Variants in KIF6 observed in about 807,000 individuals in gnomAD.
The protein encoded by KIF6 is kinesin family member 6, also known as kinesin-like protein KIF6.
KIF6 carries 106 observed loss-of-function variants against 112.7 expected under a neutral mutation model. The ratio of observed to expected loss-of-function variants is 0.94; its 90% CI spans 0.80 to 1.11. KIF6 has a LOEUF of 1.11. KIF6 is among the 50% of genes least tolerant of loss of function. The pLI is 0.00. For missense variants in KIF6, 929 were observed against 964.0 expected (o/e 0.96, Z 0.48); for synonymous variants, 339 against 339.9 (o/e 1.00, Z 0.03).
intron 3 of KIF6, among the ~76,000 whole-genome samples, chr6:39,654,756 CT>C (rs1488798599): frequency 6.6e-6 from 1 of 152,030 alleles, no homozygotes; most frequent in African/African-American, 2.4e-5. Flanking sequence ...GTCTTTTTAC[CT>C]TTTTAAATAA....
Position 39,383,806 on chromosome 6 carries a change from GT to G in KIF6, c.1861+1815del, listed in dbSNP as rs574487322. Reference sequence around the variant, plus strand: ...ATGAGCATGGAATGCTTTTCCATTTGTTTGTGTTGTCTATGATTTCTTCCAG... The same window carrying G: ...ATGAGCATGGAATGCTTTTCCATTTGTTGTGTTGTCTATGATTTCTTCCAG... On this transcript the variant is annotated intron_variant, in intron 16 of 22. Transcript: ENST00000287152. Among the ~76,000 whole-genome samples the G allele has an allele frequency of 4.0e-3, 602 of 152,210 alleles. 1 individual carries two copies. The highest frequency in any genetic ancestry group is 0.01 in the African/African-American group (419 of 41,538).
At chr6:39,518,176 A>C (rs1451269045) in intron 13 of KIF6, among the ~76,000 whole-genome samples, 2 of 152,248 alleles carry the variant, frequency 1.3e-5, no homozygotes, top group African/African-American at 4.8e-5. Flanking sequence ...GTACAGACTA[A>C]GAACAGCACT....
chr6:39,517,416 G>T (rs1369483475), intron 13 of KIF6, among the ~76,000 whole-genome samples: 2 of 152,200 alleles, frequency 1.3e-5, no homozygotes, highest in Non-Finnish European at 2.9e-5. Context: ...TCAAACTGTT[G>T]ACAGTGGATA....
At chr6:39,654,551 C>T (rs1397305793) in intron 3 of KIF6, among the ~76,000 whole-genome samples, 1 of 152,146 alleles carries the variant, frequency 6.6e-6, no homozygotes, top group African/African-American at 2.4e-5. Context: ...ACTGAAAATA[C>T]CTTTACTTAT....
At chr6:39,367,884 T>C (rs1398565088) in intron 16 of KIF6, among the ~76,000 whole-genome samples, 1 of 152,158 alleles carries the variant, frequency 6.6e-6, no homozygotes, top group Non-Finnish European at 1.5e-5. Context: ...CTTAAGGAGC[T>C]TGTAAAAGCA....
At position 39,362,061 on chromosome 6, in the gene KIF6, G is replaced by A. The variant is rs924932935; in HGVS notation, c.1946+373C>T. Among the ~76,000 whole-genome samples the A allele has an allele frequency of 4.2e-4, 64 of 152,146 alleles. 1 individual carries two copies. Among genetic ancestry groups the A allele is most frequent in the African/African-American group, 1.3e-3 (55 of 41,428 alleles). On this transcript the variant is annotated intron_variant, in intron 17 of 22. Coordinates refer to ENST00000287152, the MANE Select transcript of KIF6 (RefSeq NM_145027.6). Reference sequence around the variant, plus strand: ...GGCTCCTCACTCTGTAAGTGAAGTCGTTTGGAGACCCCAAATGCCTGCGGC... The same window carrying A: ...GGCTCCTCACTCTGTAAGTGAAGTCATTTGGAGACCCCAAATGCCTGCGGC...
intron 13 of KIF6, among the ~76,000 whole-genome samples, chr6:39,461,803 G>A (rs990749487): frequency 7.2e-5 from 11 of 152,012 alleles, no homozygotes; most frequent in Admixed American, 5.9e-4. Flanking sequence ...ATTTGTATCT[G>A]TATTGACAAA....
At position 39,342,610 on chromosome 6, in the gene KIF6, TA is replaced by T. The variant is rs59176741; in HGVS notation, c.2428+1098del. On this transcript the variant is annotated intron_variant, in intron 22 of 22. Coordinates refer to ENST00000287152, the MANE Select transcript of KIF6 (RefSeq NM_145027.6). This position sits in a 1 kb window ranked among gnomAD's most constrained non-coding sequence, Gnocchi z 4.7. ...CTGAATCCAGTTTTTTATTTTTTTT[TA>T]TTTTTTTTTATTTTTTTTTATTTTT... Among the ~76,000 whole-genome samples, 23,127 of 135,616 alleles carry T rather than the reference TA, an allele frequency of 0.17. 3,850 individuals are homozygous for T. Among genetic ancestry groups the T allele is most frequent in the African/African-American group, 0.31 (9,822 of 31,596 alleles). 89.0% of individuals were successfully genotyped at this position (135,616 alleles called of 152,430 possible).
intron 13 of KIF6, among the ~76,000 whole-genome samples, chr6:39,486,676 C>G: frequency 6.6e-6 from 1 of 152,008 alleles, no homozygotes; most frequent in East Asian, 1.9e-4. Context: ...CTAAAGAAAC[C>G]CTGAAGTTTA....
intron 13 of KIF6, among the ~76,000 whole-genome samples, chr6:39,470,076 A>G (rs1774024873): frequency 6.6e-6 from 1 of 152,208 alleles, no homozygotes; most frequent in Non-Finnish European, 1.5e-5. Flanking sequence ...CTTCATAAAT[A>G]TAAAAGGATC....
intron 13 of KIF6, among the ~76,000 whole-genome samples, chr6:39,535,098 C>A (rs1329279718): frequency 1.3e-5 from 2 of 152,236 alleles, no homozygotes; most frequent in Admixed American, 6.5e-5. Flanking sequence ...GTACCAGCCA[C>A]TGCAAAATCA....
intron 6 of KIF6, among the ~76,000 whole-genome samples, chr6:39,601,547 T>C (rs941403303): frequency 6.7e-6 from 1 of 148,476 alleles, no homozygotes; most frequent in African/African-American, 2.4e-5. Flanking sequence ...GAATTGAATA[T>C]ATTATTATTT....
intron 5 of KIF6, among the ~76,000 whole-genome samples, chr6:39,626,324 T>A (rs1337575861): frequency 1.3e-5 from 2 of 152,206 alleles, no homozygotes; most frequent in East Asian, 3.9e-4. Context: ...ATGGACAAGC[T>A]TTGGCTCACC....
intron 13 of KIF6, among the ~76,000 whole-genome samples, chr6:39,468,599 A>C (rs973681750): frequency 6.6e-6 from 1 of 152,212 alleles, no homozygotes; most frequent in African/African-American, 2.4e-5. Context: ...CTGTCAACCA[A>C]GACTCTTGTA....
intron 7 of KIF6, among the ~76,000 whole-genome samples, chr6:39,592,973 T>A (rs1782035370): frequency 6.6e-6 from 1 of 152,230 alleles, no homozygotes; most frequent in Non-Finnish European, 1.5e-5. Context: ...CATCTCTGTC[T>A]TATATATTGA....
intron 20 of KIF6, among the ~76,000 whole-genome samples, chr6:39,346,112 T>TCTCC (rs1322117713): frequency 0.018 from 675 of 36,532 alleles, 45 homozygotes; most frequent in Non-Finnish European, 0.022. Flanking sequence ...CCCCCCTCCC[T>TCTCC]CTCCCTCTCC....
At chr6:39,435,727 G>A (rs1771479859) in intron 13 of KIF6, among the ~76,000 whole-genome samples, 1 of 152,166 alleles carries the variant, frequency 6.6e-6, no homozygotes, top group Non-Finnish European at 1.5e-5. Context: ...TGGCTGAGCA[G>A]TAATCCACAC....
chr6:39,680,973 A>G (rs937427919), intron 3 of KIF6, among the ~76,000 whole-genome samples: 4 of 152,324 alleles, frequency 2.6e-5, no homozygotes, highest in African/African-American at 7.2e-5. Flanking sequence ...GATAAAGGCC[A>G]TGTATCAAGT....
intron 3 of KIF6, among the ~76,000 whole-genome samples, chr6:39,692,873 TA>T (rs1582463003): frequency 6.6e-6 from 1 of 152,118 alleles, no homozygotes; most frequent in Non-Finnish European, 1.5e-5. Context: ...GTACTTAATA[TA>T]AAAAAGCCTC....
Sources: allele counts gnomAD v4.1 joint callset (sites outside exome capture counted in the v4.1 genomes callset), GRCh38; gene constraint gnomAD v4.1.1; non-coding constraint Gnocchi (gnomAD v3.1); transcripts MANE v1.5; gene names NCBI Gene and HGNC (gene_info 2026-07-23, HGNC 2026-07-21).